Variants in CDH13 observed in about 807,000 individuals in gnomAD.
CDH13 encodes the protein cadherin 13.
In CDH13, 24 loss-of-function variants were observed where a neutral mutation model predicts 63.8. That is an observed-to-expected ratio of 0.38 (90% confidence interval 0.27 to 0.53). CDH13 has a LOEUF of 0.53. CDH13 is among the 20% of genes least tolerant of loss of function. CDH13 has a pLI of 0.85. For synonymous variants in CDH13, 503 were observed against 355.3 expected (o/e 1.42, Z -4.67); for missense variants, 1,049 against 903.1 (o/e 1.16, Z -2.07).
At chr16:83,034,502 A>G (rs750634980) in intron 3 of CDH13, among the ~76,000 whole-genome samples, 2 of 152,254 alleles carry the variant, frequency 1.3e-5, no homozygotes, top group Non-Finnish European at 2.9e-5. Flanking sequence ...CAATGGTCAC[A>G]GCATCTCACT....
intron 6 of CDH13, among the ~76,000 whole-genome samples, chr16:83,426,509 T>TCA (rs10545707): frequency 0.096 from 14,079 of 146,476 alleles, 689 homozygotes; most frequent in Middle Eastern, 0.13. Context: ...ATGGAAACAA[T>TCA]CACACACACA....
intron 1 of CDH13, among the ~76,000 whole-genome samples, chr16:82,680,170 A>G (rs998703383): frequency 2.0e-5 from 3 of 152,218 alleles, no homozygotes; most frequent in African/African-American, 7.2e-5. Context: ...GGACTCCTGG[A>G]CAGTGCCATG....
At chr16:83,409,548 C>T (rs775827683) in intron 6 of CDH13, among the ~76,000 whole-genome samples, 5 of 152,238 alleles carry the variant, frequency 3.3e-5, no homozygotes, top group Non-Finnish European at 7.3e-5. Flanking sequence ...ACTCAGACCT[C>T]TGTCAATACT....
chr16:83,472,629 C>T (rs546961034), intron 6 of CDH13, among the ~76,000 whole-genome samples: 1 of 152,158 alleles, frequency 6.6e-6, no homozygotes, highest in Non-Finnish European at 1.5e-5. Flanking sequence ...TTTGGTCTCT[C>T]TTCTGCCAGG....
intron 1 of CDH13, among the ~76,000 whole-genome samples, chr16:82,817,336 A>G (rs1275051124): frequency 6.6e-6 from 1 of 152,016 alleles, no homozygotes; most frequent in Non-Finnish European, 1.5e-5. Context: ...CAGCGTGCTC[A>G]CTGTCTTTAG....
rs1027777893 is a variant in CDH13, at chr16:83,796,948, T to C, written c.*1918T>C. The stretch of plus-strand genomic sequence containing the variant: ...TTTTCTCTGGAACAAATCCTGTTGC[T>C]GGATCAGGAGATGCCACACCTTGAA... On this transcript the variant is annotated 3_prime_UTR_variant, in exon 14 of 14. Coordinates refer to ENST00000567109, the MANE Select transcript of CDH13 (RefSeq NM_001257.5). 1 of 152,236 alleles carries C rather than the reference T, an allele frequency of 6.6e-6. No homozygotes were observed. The highest frequency in any genetic ancestry group is 1.9e-4 in the East Asian group (1 of 5,188). 9.4% of individuals were successfully genotyped at this position (152,236 alleles called of 1,614,324 possible). A position where few individuals can be genotyped will look rare whatever the true frequency, so the allele number is the denominator to read the frequency against.
intron 10 of CDH13, among the ~76,000 whole-genome samples, chr16:83,701,364 A>G (rs191856659): frequency 1.3e-5 from 2 of 152,280 alleles, no homozygotes; most frequent in African/African-American, 4.8e-5. Flanking sequence ...TCTAAATGAC[A>G]TATTTGTATG....
At chr16:83,342,843 G>GTTTTTT (rs778316746) in intron 5 of CDH13, among the ~76,000 whole-genome samples, 160 of 65,268 alleles carry the variant, frequency 2.5e-3, no homozygotes, top group African/African-American at 3.6e-3. Flanking sequence ...TTTTGTTTCT[G>GTTTTTT]TTTTTTTTTT....
At chr16:82,779,054 A>G (rs1175133154) in intron 1 of CDH13, among the ~76,000 whole-genome samples, 1 of 152,232 alleles carries the variant, frequency 6.6e-6, no homozygotes, top group Non-Finnish European at 1.5e-5. Flanking sequence ...AAGATAATCT[A>G]GAAGTGTAAA....
At chr16:83,492,763 T>TG (rs1218631485) in intron 7 of CDH13, among the ~76,000 whole-genome samples, 2 of 152,114 alleles carry the variant, frequency 1.3e-5, no homozygotes, top group African/African-American at 2.4e-5. Context: ...GGGTTAGAGA[T>TG]GGGGAAGGCC....
At chr16:82,660,451 A>G (rs926841775) in intron 1 of CDH13, among the ~76,000 whole-genome samples, 1 of 152,096 alleles carries the variant, frequency 6.6e-6, no homozygotes, top group African/African-American at 2.4e-5. Flanking sequence ...CGTGCGGGGA[A>G]ACCCAAGAGG....
At chr16:83,712,377 G>C (rs1048393663) in intron 10 of CDH13, among the ~76,000 whole-genome samples, 2 of 152,196 alleles carry the variant, frequency 1.3e-5, no homozygotes, top group African/African-American at 4.8e-5. Flanking sequence ...CTTTAGCATT[G>C]AAAACAGGAT....
intron 5 of CDH13, among the ~76,000 whole-genome samples, chr16:83,316,992 C>T (rs62040441): frequency 1.9e-3 from 284 of 152,300 alleles, no homozygotes; most frequent in Non-Finnish European, 3.2e-3. Flanking sequence ...AGAGGGGTTC[C>T]TAACCTGGGC....
At chr16:83,794,624 A>C (rs1916484683) in intron 13 of CDH13, among the ~76,000 whole-genome samples, 1 of 139,600 alleles carries the variant, frequency 7.2e-6, no homozygotes, top group South Asian at 2.3e-4. Context: ...TCCTTAAGTC[A>C]ACATATATAT....
At chr16:82,684,818 C>T (rs1486954486) in intron 1 of CDH13, among the ~76,000 whole-genome samples, 1 of 152,214 alleles carries the variant, frequency 6.6e-6, no homozygotes, top group Non-Finnish European at 1.5e-5. Flanking sequence ...AGCCCATACC[C>T]AAGTTGTGCT....
chr16:83,473,436 A>G (rs2073515564), intron 6 of CDH13, among the ~76,000 whole-genome samples: 1 of 152,202 alleles, frequency 6.6e-6, no homozygotes, highest in African/African-American at 2.4e-5. Context: ...GCTCATTTGT[A>G]TCTTGTAACT....
chr16:82,769,920 A>G (rs1439697192), intron 1 of CDH13, among the ~76,000 whole-genome samples: 5 of 152,266 alleles, frequency 3.3e-5, no homozygotes, highest in Non-Finnish European at 7.3e-5. Flanking sequence ...TAACGAGCCC[A>G]TGAATGCATG....
chr16:82,998,429 T>C (rs926195906), intron 2 of CDH13, among the ~76,000 whole-genome samples: 1 of 152,238 alleles, frequency 6.6e-6, no homozygotes, highest in Non-Finnish European at 1.5e-5. Context: ...TGTTTTTTTA[T>C]AGTGACATGT....
intron 3 of CDH13, among the ~76,000 whole-genome samples, chr16:83,040,237 C>T (rs534939787): frequency 3.9e-5 from 6 of 151,902 alleles, no homozygotes; most frequent in African/African-American, 9.7e-5. Flanking sequence ...TGAATCAACA[C>T]GTGTGTATTA....
Sources: allele counts gnomAD v4.1 joint callset (sites outside exome capture counted in the v4.1 genomes callset), GRCh38; gene constraint gnomAD v4.1.1; transcripts MANE v1.5; gene names NCBI Gene and HGNC (gene_info 2026-07-23, HGNC 2026-07-21).